The following PRR4 variants were observed in gnomAD, a reference collection of about 807,000 sequenced individuals.
The protein encoded by PRR4 is proline rich 4.
Under a neutral mutation model 7.6 loss-of-function variants are expected in PRR4, and 7 were observed. That is an observed-to-expected ratio of 0.92 (90% CI 0.52 to 1.73). PRR4 has a LOEUF of 1.73. Among genes scored for constraint, PRR4 ranks in the 40% most tolerant of loss-of-function variants. The pLI, the probability that PRR4 is intolerant of heterozygous loss-of-function variation, is 0.00. For synonymous variants in PRR4, 64 were observed against 58.5 expected, an observed-to-expected ratio of 1.09 and a Z score of -0.43; for missense variants, 187 against 161.0, an observed-to-expected ratio of 1.16 and a Z score of -0.87.
rs999252571 is a variant in PRR4, at chr12:10,845,854, T to C, written c.*115A>G. ...AGAGAAGCAACAATCAGAAATTGCATGCTATTAATATTTTATTGGTATACT... is the reference window on the plus strand; with the variant it reads ...AGAGAAGCAACAATCAGAAATTGCACGCTATTAATATTTTATTGGTATACT... On this transcript the variant is annotated 3_prime_UTR_variant, in exon 4 of 4. Coordinates refer to ENST00000228811, the MANE Select transcript of PRR4 (RefSeq NM_007244.3). The C allele has an allele frequency of 1.5e-5, 14 of 964,908 alleles. No homozygotes were observed. Among genetic ancestry groups the C allele is most frequent in the African/African-American group, 3.4e-5 (2 of 59,278 alleles). The allele number at this position is 964,908 out of a possible 1,614,324, so 59.8% of individuals were successfully genotyped here.
At chr12:10,847,411 G>A in intron 2 of PRR4, 44 bp from the exon 3 acceptor site, 3 of 1,393,838 alleles carry the variant, frequency 2.2e-6, no homozygotes, top group Non-Finnish European at 2.9e-6. Context: ...GCTCAGTGAA[G>A]AAAAACTCTC....
In PRR4 at chr12:10,845,967, A is replaced by C. The variant is rs1247558961; in HGVS notation, c.*19-17T>G. ...ATTTATTTTCTGAAACAAAAAAAAAAACCAAGGAAATTTATACACAACATA... is the reference window on the plus strand; with the variant it reads ...ATTTATTTTCTGAAACAAAAAAAAACACCAAGGAAATTTATACACAACATA... On this transcript the variant is annotated splice_polypyrimidine_tract_variant and intron_variant, in intron 3 of 3. Coordinates refer to ENST00000228811, the MANE Select transcript of PRR4 (RefSeq NM_007244.3). 1 of 1,336,002 alleles carries C rather than the reference A, an allele frequency of 7.5e-7. No individual in the cohort carries two copies. The highest frequency in any genetic ancestry group is 9.8e-7 in the Non-Finnish European group (1 of 1,018,532). The allele number at this position is 1,336,002 out of a possible 1,614,324, so 82.8% of individuals were successfully genotyped here.
At chr12:10,846,937 G>T in intron 3 of PRR4, 108 bp downstream of exon 3, 2 of 1,058,958 alleles carry the variant, frequency 1.9e-6, no homozygotes, top group East Asian at 2.5e-5. Flanking sequence ...TAGAAATGGG[G>T]TCCAGGATTA....
At chr12:10,848,485 G>C in intron 1 of PRR4, 78 bp from the exon 2 acceptor site, 1 of 1,410,646 alleles carries the variant, frequency 7.1e-7, no homozygotes, top group Non-Finnish European at 9.9e-7. Context: ...TAGGGAAAGG[G>C]GTCTTCTGGC....
rs918778347 is a variant in PRR4 at position 10,848,618 on chromosome 12, A to G, written c.65-211T>C. ...GCTGAGCATCAACCACGAATTCAATAGAAGAGTCCCTTTTTGTCATCCTTA... is the reference window on the plus strand; with the variant it reads ...GCTGAGCATCAACCACGAATTCAATGGAAGAGTCCCTTTTTGTCATCCTTA... On this transcript the variant is annotated intron_variant, in intron 1 of 3. Transcript: ENST00000228811. 3.6e-5 allele frequency: 16 copies of G among 446,874 alleles called. No individual in the cohort carries two copies. In the Admixed American group the frequency reaches 6.6e-4, roughly 18 times the overall value. 27.7% of individuals were successfully genotyped at this position (446,874 alleles called of 1,614,324 possible).
At chr12:10,849,318 G>A in intron 1 of PRR4, 56 bp downstream of exon 1, 1 of 1,173,174 alleles carries the variant, frequency 8.5e-7, no homozygotes, top group South Asian at 1.4e-5. Context: ...CCCTAGAAGA[G>A]TCATGGCCCC....
intron 2 of PRR4, 136 bp from the exon 3 acceptor site, chr12:10,847,503 CA>C (rs1387567427): frequency 1.8e-6 from 1 of 552,880 alleles, no homozygotes; most frequent in Admixed American, 4.1e-5. Context: ...CTTTTGTGCC[CA>C]CTGTTTTTTT....
intron 3 of PRR4, among the ~76,000 whole-genome samples, chr12:10,846,174 CTACA>C (rs1405706138): frequency 6.6e-6 from 1 of 151,980 alleles, no homozygotes; most frequent in East Asian, 1.9e-4. Flanking sequence ...TAATACAAGC[CTACA>C]TATCAATTAA....
chr12:10,847,721 T>C (rs1382307309), intron 2 of PRR4, among the ~76,000 whole-genome samples: 1 of 152,136 alleles, frequency 6.6e-6, no homozygotes, highest in Admixed American at 6.5e-5. Context: ...TATTTTTTAT[T>C]TTTATTTTTT....
chr12:10,847,574 A>T (rs1949037343), intron 2 of PRR4, among the ~76,000 whole-genome samples: 2 of 143,848 alleles, frequency 1.4e-5, no homozygotes. Context: ...AGTCTCATTT[A>T]TTTGCTCCTG....
chr12:10,848,639 C>G (rs1234155384), intron 1 of PRR4: 1 of 419,262 alleles, frequency 2.4e-6, no homozygotes, highest in Admixed American at 4.3e-5. Context: ...TTTTTGTCAT[C>G]CTTAGGATCC....
rs1169658857 is a variant in PRR4 at position 10,846,068 on chromosome 12, A to AT, written c.*19-119dup. On this transcript the variant is annotated intron_variant, in intron 3 of 3. Coordinates refer to ENST00000228811, the MANE Select transcript of PRR4 (RefSeq NM_007244.3). ...ATTGCTTTCAAGATTAAGAAAACAG[A>AT]TTTTTTTATGGTGTTTATGTTTTGG... 13 of 687,622 alleles carry AT rather than the reference A, an allele frequency of 1.9e-5. 1 individual carries two copies. Among genetic ancestry groups the AT allele is most frequent in the South Asian group, 1.2e-4 (2 of 16,212 alleles). 42.6% of individuals were successfully genotyped at this position (687,622 alleles called of 1,614,324 possible).
chr12:10,848,737 T>C (rs1949056761), intron 1 of PRR4: 4 of 266,190 alleles, frequency 1.5e-5, no homozygotes, highest in Non-Finnish European at 2.1e-5. Flanking sequence ...CTTTAAATAT[T>C]TTGATCATAT....
rs1402405509 is a variant in PRR4 at position 10,847,283 on chromosome 12, C to G, written c.185G>C (p.Ser62Thr). ...EGLLPRPPGD[S>T]GNQDDGPQQR... ...CTGAGGACCATCATCTTGGTTACCACTATCACCAGGGGGTCTAGGTAGGAG... is the reference window on the plus strand; with the variant it reads ...CTGAGGACCATCATCTTGGTTACCAGTATCACCAGGGGGTCTAGGTAGGAG... The change falls in exon 3 of 4, where the codon AGT (serine) becomes ACT (threonine). Residue 62 changes from serine to threonine, a missense_variant. By Grantham distance (58) the Ser-to-Thr change is moderately conservative. Coordinates refer to ENST00000228811, the MANE Select transcript of PRR4 (RefSeq NM_007244.3). The G allele has an allele frequency of 6.2e-7, 1 of 1,610,902 alleles. No homozygotes were observed. Among genetic ancestry groups the G allele is most frequent in the Admixed American group, 1.7e-5 (1 of 59,866 alleles).
In PRR4 at chr12:10,845,883, G is replaced by A. The variant is rs1328700094; in HGVS notation, c.*86C>T. 1 of 1,201,212 alleles carries A rather than the reference G, an allele frequency of 8.3e-7. No individual in the cohort carries two copies. The highest frequency in any genetic ancestry group is 1.1e-6 in the Non-Finnish European group (1 of 919,292). 74.4% of individuals were successfully genotyped at this position (1,201,212 alleles called of 1,614,324 possible). On this transcript the variant is annotated 3_prime_UTR_variant, in exon 4 of 4. Transcript: ENST00000228811. The stretch of plus-strand genomic sequence containing the variant: ...ATTAATATTTTATTGGTATACTGAA[G>A]AAAGAGTTATGACCACATTATTTCA...
intron 1 of PRR4, 186 bp from the exon 2 acceptor site, chr12:10,848,593 G>T: frequency 2.0e-6 from 1 of 497,140 alleles, no homozygotes; most frequent in Non-Finnish European, 3.5e-6. Flanking sequence ...TGTTACTATC[G>T]CTGAGCATCA....
At chr12:10,847,435 T>G in intron 2 of PRR4, 68 bp from the exon 3 acceptor site, 2 of 1,234,400 alleles carry the variant, frequency 1.6e-6, no homozygotes, top group Non-Finnish European at 2.2e-6. Context: ...TCTTTATACT[T>G]CTCTCACCTT....
intron 2 of PRR4, 92 bp downstream of exon 2, chr12:10,848,280 A>G (rs1430975513): frequency 7.5e-7 from 1 of 1,333,724 alleles, no homozygotes; most frequent in African/African-American, 1.5e-5. Context: ...CCTCCCAAAA[A>G]AATGATGAGA....
chr12:10,847,239 C>T lies in PRR4; in HGVS notation c.229G>A (p.Gly77Arg). 2 of 1,613,692 alleles carry T rather than the reference C, an allele frequency of 1.2e-6. No individual in the cohort carries two copies. The highest frequency in any genetic ancestry group is 1.1e-5 in the South Asian group (1 of 90,974). The change falls in exon 3 of 4, where the codon GGA becomes AGA. Residue 77 changes from glycine (G) to arginine (R), a missense_variant. By Grantham distance (125) the Gly-to-Arg change is moderately radical (BLOSUM62 -2). Transcript: ENST00000228811. ...DGPQQRPPKP[G>R]GHHRHPPPPP... ...GGGGGAGGATGGCGGTGATGGCCTC[C>T]TGGTTTTGGTGGTCTCTGCTGAGGA...
Sources: gnomAD v4.1 joint callset for allele counts (sites outside exome capture counted in the v4.1 genomes callset) on GRCh38, gnomAD v4.1.1 for gene constraint, MANE v1.5 for transcripts, NCBI Gene and HGNC (gene_info 2026-07-23, HGNC 2026-07-21) for gene names.